FBXW2: variants seen among roughly 807,000 people sequenced by gnomAD.
The protein encoded by FBXW2 is F-box/WD repeat-containing protein 2.
A neutral mutation model predicts 46.0 loss-of-function variants in FBXW2; 12 were observed. The ratio of observed to expected loss-of-function variants is 0.26; its 90% CI spans 0.17 to 0.42. The LOEUF is 0.42. Ranked by LOEUF, FBXW2 falls within the 10% of genes least tolerant of loss-of-function variation. The pLI, the probability that FBXW2 is intolerant of heterozygous loss-of-function variation, is 1.00. For synonymous variants in FBXW2, 203 were observed against 209.6 expected, an observed-to-expected ratio of 0.97 and a Z score of 0.27; for missense variants, 360 against 537.0, an observed-to-expected ratio of 0.67 and a Z score of 3.26.
At chr9:120,768,482 T>C (rs1403602323) in intron 7 of FBXW2, among the ~76,000 whole-genome samples, 1 of 152,080 alleles carries the variant, frequency 6.6e-6, no homozygotes, top group Non-Finnish European at 1.5e-5. Flanking sequence ...AAGAATAAAG[T>C]AGTGGTGAAA....
At position 120,771,509 on chromosome 9, in the gene FBXW2, T is replaced by C; in HGVS notation, c.915A>G (p.Pro305=). Residue 305 remains proline (P), a synonymous_variant, in exon 7 of 8, where the codon CCA becomes CCG. Transcript: ENST00000608872. ...ACTTACAGTTGATTTCTCTCCCAATTGGCCAAATCTACAGAAAAAAGAAAA... is the reference window on the plus strand; with the variant it reads ...ACTTACAGTTGATTTCTCTCCCAATCGGCCAAATCTACAGAAAAAAGAAAA... The part of the protein sequence containing the change: ...SADKYEIKIW[P]IGREINCKCL... 3 of 1,609,854 alleles carry C rather than the reference T, an allele frequency of 1.9e-6. No homozygotes were observed. The South Asian group carries it at 3.3e-5, about 18-fold the overall frequency.
Position 120,764,731 on chromosome 9 carries a change from A to AT in FBXW2, c.1192dup (p.Ile398AsnfsTer2), listed in dbSNP as rs1252085599. 1 of 1,614,182 alleles carries AT rather than the reference A, an allele frequency of 6.2e-7. No individual in the cohort carries two copies. Among genetic ancestry groups the AT allele is most frequent in the East Asian group, 2.2e-5 (1 of 44,874 alleles). ...GTACTCTGGCAGAGGCCAGCGACTA[A>AT]TCAGGCTCTCTGTCCGCAAGTCCAT... is the stretch of plus-strand genomic sequence containing the variant. On this transcript the variant is annotated frameshift_variant, in exon 8 of 8. Coordinates refer to ENST00000608872, the MANE Select transcript of FBXW2 (RefSeq NM_012164.4). LOFTEE classifies it high-confidence loss of function.
In FBXW2 at chr9:120,763,143, G is replaced by C. The variant is rs1029037447; in HGVS notation, c.*1416C>G. 3.9e-5 allele frequency: 6 copies of C among 152,164 alleles called. No homozygotes were observed. Among genetic ancestry groups the C allele is most frequent in the Admixed American group, 2.6e-4 (4 of 15,276 alleles). 9.4% of individuals were successfully genotyped at this position (152,164 alleles called of 1,614,324 possible). A position where few individuals can be genotyped will look rare whatever the true frequency, so the allele number is the denominator to read the frequency against. ...AAAATCTGGATTTCTAGCTCCTCCT[G>C]AAACAATGTGAAGACCTGCCAACCC... On this transcript the variant is annotated 3_prime_UTR_variant, in exon 8 of 8. Transcript: ENST00000608872.
intron 2 of FBXW2, among the ~76,000 whole-genome samples, chr9:120,788,557 G>C (rs2044769349): frequency 6.6e-6 from 1 of 152,136 alleles, no homozygotes; most frequent in Non-Finnish European, 1.5e-5. Flanking sequence ...TTGAAGTCTA[G>C]CACGTGCTAC....
chr9:120,767,918 T>C (rs1588025730), intron 7 of FBXW2, among the ~76,000 whole-genome samples: 1 of 152,344 alleles, frequency 6.6e-6, no homozygotes, highest in South Asian at 2.1e-4. Context: ...ATCTTTTGCC[T>C]GCACTATTGC....
chr9:120,757,434 G>A lies in FBXW2; in HGVS notation c.*7125C>T, dbSNP rs746069120. On this transcript the variant is annotated 3_prime_UTR_variant, in exon 8 of 8. Transcript: ENST00000608872. ...GTTCTAAGGAAATATGCACAAAGAAGTTCTCTGTAGTATCTTCTAAAAAGC... is the reference window on the plus strand; with the variant it reads ...GTTCTAAGGAAATATGCACAAAGAAATTCTCTGTAGTATCTTCTAAAAAGC... 11 of 152,180 alleles carry A rather than the reference G, an allele frequency of 7.2e-5. No individual in the cohort carries two copies. The highest frequency in any genetic ancestry group is 1.3e-4 in the Non-Finnish European group (9 of 68,028). The allele number at this position is 152,180 out of a possible 1,614,324, so 9.4% of individuals were successfully genotyped here. A position where few individuals can be genotyped will look rare whatever the true frequency, so the allele number is the denominator to read the frequency against.
chr9:120,787,010 A>G lies in FBXW2; in HGVS notation c.490+759T>C, dbSNP rs1294043251. On this transcript the variant is annotated intron_variant, in intron 3 of 7. Coordinates refer to ENST00000608872, the MANE Select transcript of FBXW2 (RefSeq NM_012164.4). The stretch of plus-strand genomic sequence containing the variant: ...ATCACAGGATTTCAGAGCAAGGAAG[A>G]AATATCTCCTTTCATATATACATAT... Among the ~76,000 whole-genome samples the G allele has an allele frequency of 2.0e-5, 3 of 152,188 alleles. No individual in the cohort carries two copies. In the East Asian group the frequency reaches 5.8e-4, roughly 29 times the overall value.
intron 3 of FBXW2, 145 bp downstream of exon 3, chr9:120,787,624 G>C: frequency 2.7e-6 from 2 of 737,672 alleles, no homozygotes; most frequent in Non-Finnish European, 4.2e-6. Flanking sequence ...ATAAGGGGGG[G>C]GAACCACTCA....
intron 3 of FBXW2, among the ~76,000 whole-genome samples, chr9:120,785,565 T>C (rs1280146382): frequency 6.6e-6 from 1 of 152,176 alleles, no homozygotes; most frequent in Non-Finnish European, 1.5e-5. Context: ...ACATAATACA[T>C]ACCCTTAATG....
intron 3 of FBXW2, among the ~76,000 whole-genome samples, chr9:120,781,925 A>G (rs571444180): frequency 1.0e-3 from 158 of 151,994 alleles, no homozygotes; most frequent in African/African-American, 3.7e-3. Context: ...TGGGAGGCTA[A>G]GACAGAAGAA....
intron 7 of FBXW2, among the ~76,000 whole-genome samples, chr9:120,771,142 C>T (rs560496851): frequency 9.9e-5 from 15 of 152,284 alleles, no homozygotes; most frequent in African/African-American, 3.4e-4. Context: ...CGTTCCAGTA[C>T]GTAACTCTTT....
intron 4 of FBXW2, among the ~76,000 whole-genome samples, chr9:120,777,786 C>A (rs2044529534): frequency 7.2e-6 from 1 of 139,392 alleles, no homozygotes; most frequent in Non-Finnish European, 1.5e-5. Flanking sequence ...CCAGTTTTTG[C>A]AAAATAAGGA....
At position 120,776,005 on chromosome 9, in the gene FBXW2, C is replaced by A. The variant is rs962731917; in HGVS notation, c.819+88G>T. On this transcript the variant is annotated intron_variant, in intron 5 of 7. Transcript: ENST00000608872. ...TACAGCAATTCCATCTTATGACTCA[C>A]CTAACACTTATAAGGCAGTGTCTAC... 9.3e-6 allele frequency: 14 copies of A among 1,510,780 alleles called. No individual in the cohort carries two copies. The Admixed American group carries it at 2.3e-4, about 25-fold the overall frequency. 93.6% of individuals were successfully genotyped at this position (1,510,780 alleles called of 1,614,324 possible). A position where few individuals can be genotyped will look rare whatever the true frequency, so the allele number is the denominator to read the frequency against.
intron 3 of FBXW2, among the ~76,000 whole-genome samples, chr9:120,785,659 C>T (rs2044704181): frequency 1.3e-5 from 2 of 151,976 alleles, no homozygotes; most frequent in Admixed American, 6.6e-5. Flanking sequence ...GGTGAGACTC[C>T]TGAGGGAGAA....
chr9:120,790,639 G>A (rs924260358), intron 2 of FBXW2, among the ~76,000 whole-genome samples: 15 of 152,130 alleles, frequency 9.9e-5, no homozygotes, highest in Non-Finnish European at 2.9e-5. Flanking sequence ...AGAAATGCTT[G>A]TATTTAAGTG....
intron 5 of FBXW2, among the ~76,000 whole-genome samples, chr9:120,775,525 G>A (rs2044474220): frequency 6.6e-6 from 1 of 152,074 alleles, no homozygotes; most frequent in African/African-American, 2.4e-5. Flanking sequence ...AGAATGGGAT[G>A]GTAAACTCAA....
In FBXW2 at chr9:120,793,213, C is replaced by T. The variant is rs2044891268; in HGVS notation, c.-85G>A. 1 of 548,308 alleles carries T rather than the reference C, an allele frequency of 1.8e-6. No individual in the cohort carries two copies. The allele number at this position is 548,308 out of a possible 1,614,324, so 34.0% of individuals were successfully genotyped here. On this transcript the variant is annotated 5_prime_UTR_variant, in exon 2 of 8. Transcript: ENST00000608872. ...TCACAGCTACTAGGCACGCTCGGAC[C>T]GCCAGAGCCTTGCAGCGGCCGGGTC... is the stretch of plus-strand genomic sequence containing the variant.
rs528246819 is a variant in FBXW2, at chr9:120,777,150, G to A, written c.686-924C>T. ...ACAGTAATAAAAATTTTTAGAGCAG[G>A]GTTCTCAAAGTTGATCAGGAATAAA... On this transcript the variant is annotated intron_variant, in intron 4 of 7. Transcript: ENST00000608872. Among the ~76,000 whole-genome samples the A allele has an allele frequency of 7.2e-5, 11 of 152,244 alleles. No individual in the cohort carries two copies. The South Asian group carries it at 2.3e-3, about 32-fold the overall frequency.
rs114919536 is a variant in FBXW2 at position 120,782,885 on chromosome 9, T to C, written c.491-4340A>G. On this transcript the variant is annotated intron_variant, in intron 3 of 7. Coordinates refer to ENST00000608872, the MANE Select transcript of FBXW2 (RefSeq NM_012164.4). ...CCCCCCCAAAAACAAACAAAAAAATTGGATACAGTTTAACTATATAGTGTA... is the reference window on the plus strand; with the variant it reads ...CCCCCCCAAAAACAAACAAAAAAATCGGATACAGTTTAACTATATAGTGTA... Among the ~76,000 whole-genome samples the C allele has an allele frequency of 1.8e-3, 271 of 152,118 alleles. 3 individuals are homozygous for C. Among genetic ancestry groups the C allele is most frequent in the African/African-American group, 6.2e-3 (258 of 41,502 alleles).
Sources: allele counts gnomAD v4.1 joint callset (sites outside exome capture counted in the v4.1 genomes callset), GRCh38; gene constraint gnomAD v4.1.1; transcripts MANE v1.5; gene names NCBI Gene and HGNC (gene_info 2026-07-23, HGNC 2026-07-21).